The following REV3L variants were observed in gnomAD, a reference collection of about 807,000 sequenced individuals.
REV3L encodes REV3 like, DNA directed polymerase zeta catalytic subunit.
REV3L carries 69 observed loss-of-function variants against 299.4 expected under a neutral mutation model. The ratio of observed to expected loss-of-function variants is 0.23; its 90% CI spans 0.19 to 0.28. The LOEUF (loss-of-function observed/expected upper bound fraction) is 0.28. Ranked by LOEUF, REV3L falls within the 10% of genes least tolerant of loss-of-function variation. REV3L has a pLI of 1.00. For synonymous variants in REV3L, 1,238 were observed against 1,271.4 expected (o/e 0.97, Z 0.56); for missense variants, 3,128 against 3,693.8 (o/e 0.85, Z 3.97).
intron 1 of REV3L, among the ~76,000 whole-genome samples, chr6:111,441,252 TGTC>T (rs1346399272): frequency 6.6e-6 from 1 of 152,186 alleles, no homozygotes; most frequent in African/African-American, 2.4e-5. Context: ...CTGTTGTTGT[TGTC>T]GTCATTGTTG....
chr6:111,386,991 A>AT (rs1427614605), intron 9 of REV3L, among the ~76,000 whole-genome samples: 1 of 152,120 alleles, frequency 6.6e-6, no homozygotes, highest in Non-Finnish European at 1.5e-5. Flanking sequence ...CAAATTGCTG[A>AT]GATTACAGGC....
chr6:111,458,065 C>T (rs1050715512), intron 1 of REV3L, among the ~76,000 whole-genome samples: 1 of 152,018 alleles, frequency 6.6e-6, no homozygotes, highest in African/African-American at 2.4e-5. Flanking sequence ...AAACCAAATC[C>T]ATCAGCACAT....
chr6:111,348,677 T>C (rs1777265822), intron 20 of REV3L, among the ~76,000 whole-genome samples: 1 of 152,184 alleles, frequency 6.6e-6, no homozygotes, highest in Admixed American at 6.5e-5. Context: ...TGAGACAGGG[T>C]CTCACTCTGT....
intron 1 of REV3L, among the ~76,000 whole-genome samples, chr6:111,468,729 T>C (rs573112696): frequency 7.8e-5 from 9 of 115,718 alleles, no homozygotes; most frequent in Non-Finnish European, 1.6e-4. Flanking sequence ...CCTTGTAAGA[T>C]GTTTAAAAAT....
intron 21 of REV3L, among the ~76,000 whole-genome samples, chr6:111,338,634 G>C (rs1213854088): frequency 6.6e-6 from 1 of 151,536 alleles, no homozygotes; most frequent in Non-Finnish European, 1.5e-5. Flanking sequence ...TTGTTTTTGG[G>C]CAAAAATGGT....
intron 3 of REV3L, among the ~76,000 whole-genome samples, chr6:111,409,702 C>T (rs1319507208): frequency 6.6e-6 from 1 of 152,078 alleles, no homozygotes; most frequent in Non-Finnish European, 1.5e-5. Flanking sequence ...AAAAAGTAGA[C>T]ATACAGCACG....
At chr6:111,338,749 T>G (rs1258888689) in intron 21 of REV3L, among the ~76,000 whole-genome samples, 1 of 152,152 alleles carries the variant, frequency 6.6e-6, no homozygotes, top group African/African-American at 2.4e-5. Flanking sequence ...TTAGGCAGTA[T>G]AGTCTATTAG....
rs578138514 is a variant in REV3L, at chr6:111,369,983, C to A, written c.5760-1955G>T. 5.9e-5 allele frequency among the ~76,000 whole-genome samples: 9 copies of A among 152,028 alleles called. No individual in the cohort carries two copies. The East Asian group carries it at 1.7e-3, about 29-fold the overall frequency. On this transcript the variant is annotated intron_variant, in intron 13 of 31. Transcript: ENST00000368802. ...TCCCGAGTAGGATTACAGACTCATG[C>A]CACCATGCCCAGCTAATTTTTGTAT...
At chr6:111,442,358 C>CT (rs916302333) in intron 1 of REV3L, among the ~76,000 whole-genome samples, 6 of 152,072 alleles carry the variant, frequency 3.9e-5, no homozygotes, top group African/African-American at 1.4e-4. Flanking sequence ...AACTTTTTGT[C>CT]TTTTTGAAAA....
rs542007214 is a variant in REV3L at position 111,465,344 on chromosome 6, G to C, written c.139+17406C>G. On this transcript the variant is annotated intron_variant, in intron 1 of 31. Transcript: ENST00000368802. Reference sequence around the variant, plus strand: ...GATCCACCTGCCTCAGCCTCCCAAAGTGCTGTGATTACAGGCATGAGCCAC... The same window carrying C: ...GATCCACCTGCCTCAGCCTCCCAAACTGCTGTGATTACAGGCATGAGCCAC... 9.2e-5 allele frequency among the ~76,000 whole-genome samples: 14 copies of C among 151,476 alleles called. No homozygotes were observed. The East Asian group carries it at 2.6e-3, about 28-fold the overall frequency.
At chr6:111,338,527 T>C (rs1776171554) in intron 21 of REV3L, among the ~76,000 whole-genome samples, 1 of 151,360 alleles carries the variant, frequency 6.6e-6, no homozygotes, top group South Asian at 2.1e-4. Context: ...AAGTATATAA[T>C]ATAGTTAATA....
chr6:111,313,302 A>G, intron 28 of REV3L, 50 bp downstream of exon 28: 2 of 1,550,412 alleles, frequency 1.3e-6, no homozygotes, highest in East Asian at 2.3e-5. Context: ...TTCACCAGAC[A>G]CTTTAGCCAC....
At chr6:111,461,424 A>C (rs1232129160) in intron 1 of REV3L, among the ~76,000 whole-genome samples, 1 of 152,150 alleles carries the variant, frequency 6.6e-6, no homozygotes, top group East Asian at 1.9e-4. Flanking sequence ...GTAAGAGAGT[A>C]AAAAAGTTTA....
At chr6:111,314,250 A>G (rs898261795) in intron 27 of REV3L, among the ~76,000 whole-genome samples, 2 of 152,194 alleles carry the variant, frequency 1.3e-5, no homozygotes, top group Non-Finnish European at 2.9e-5. Context: ...TTTTGCAAAG[A>G]AAGAATATAT....
At chr6:111,479,512 T>TC (rs1225068466) in intron 1 of REV3L, among the ~76,000 whole-genome samples, 1 of 148,062 alleles carries the variant, frequency 6.8e-6, no homozygotes, top group African/African-American at 2.5e-5. Context: ...CCCCCGCCTT[T>TC]TTTTTTTTTT....
At chr6:111,407,362 A>G (rs943529824) in intron 3 of REV3L, among the ~76,000 whole-genome samples, 1 of 152,246 alleles carries the variant, frequency 6.6e-6, no homozygotes, top group African/African-American at 2.4e-5. Flanking sequence ...TACAGAGTAA[A>G]GATGAAAGTC....
chr6:111,461,341 T>G (rs114406683), intron 1 of REV3L, among the ~76,000 whole-genome samples: 12 of 152,018 alleles, frequency 7.9e-5, no homozygotes, highest in Non-Finnish European at 1.8e-4. Context: ...AATTTTTAAA[T>G]AGAAAAAAGC....
At chr6:111,343,432 G>T (rs1285712267) in intron 21 of REV3L, among the ~76,000 whole-genome samples, 1 of 152,180 alleles carries the variant, frequency 6.6e-6, no homozygotes. Context: ...GCTGTAGAAG[G>T]GAATCTTCTG....
chr6:111,332,868 A>G (rs17540006), intron 23 of REV3L, among the ~76,000 whole-genome samples: 4,964 of 152,314 alleles, frequency 0.033, 98 homozygotes, highest in Middle Eastern at 0.11. Flanking sequence ...ATAGTTACAT[A>G]TGGAGTGAAA....
Sources: gnomAD v4.1 joint callset for allele counts (sites outside exome capture counted in the v4.1 genomes callset) on GRCh38, gnomAD v4.1.1 for gene constraint, MANE v1.5 for transcripts, NCBI Gene and HGNC (gene_info 2026-07-23, HGNC 2026-07-21) for gene names.